Variants in DNAJC14 observed in about 807,000 individuals in gnomAD.
DNAJC14 encodes the protein dnaJ homolog subfamily C member 14.
DNAJC14 carries 12 observed loss-of-function variants against 68.8 expected under a neutral mutation model. That is an observed-to-expected ratio of 0.17 (90% confidence interval 0.11 to 0.28). DNAJC14 has a LOEUF of 0.28. Ranked by LOEUF, DNAJC14 falls within the 10% of genes least tolerant of loss-of-function variation. The pLI is 1.00. For missense variants in DNAJC14, 764 were observed against 875.6 expected (o/e 0.87, Z 1.61); for synonymous variants, 350 against 321.5 (o/e 1.09, Z -0.95).
chr12:55,822,061 T>C lies in DNAJC14; in HGVS notation c.2025A>G (p.Ala675=). 5.0e-6 allele frequency: 8 copies of C among 1,614,158 alleles called. No homozygotes were observed. Among genetic ancestry groups the C allele is most frequent in the Non-Finnish European group, 6.8e-6 (8 of 1,180,016 alleles). ...GTACTGTGCTGTTGGGCTTAGAGGC[T>C]GCAGCGGCTCCAGGGGCAGGCTGAG... The part of the protein sequence containing the change: ...AAPQPAPGAA[A]ASKPNSTVPK... Residue 675 remains alanine, a synonymous_variant, in exon 7 of 7, where the codon GCA becomes GCG. Transcript: ENST00000678005.
Position 55,828,102 on chromosome 12 carries a change from A to C in DNAJC14, c.557T>G (p.Val186Gly). The change falls in exon 2 of 7, where the codon GTG becomes GGG. Residue 186 changes from valine (V) to glycine (G), a missense_variant. By Grantham distance (109) the Val-to-Gly change is moderately radical. This residue lies in a region of DNAJC14 where 514 missense variants were observed against 521.7 expected (regional missense o/e 0.99). Coordinates refer to ENST00000678005, the MANE Select transcript of DNAJC14 (RefSeq NM_032364.6). ...GGATGGGGGTTTCTTTCCGCTGGAC[A>C]CACGTGAAAAATCACTGGGGAACTT... Reference protein sequence around the residue: ...SLKFPSDFSRVSSGKKPPSRR... With the variant: ...SLKFPSDFSRGSSGKKPPSRR... 1 of 1,600,990 alleles carries C rather than the reference A, an allele frequency of 6.2e-7. No homozygotes were observed. Among genetic ancestry groups the C allele is most frequent in the Non-Finnish European group, 8.5e-7 (1 of 1,174,330 alleles).
chr12:55,825,639 G>A (rs1880774607), intron 2 of DNAJC14, among the ~76,000 whole-genome samples: 1 of 149,960 alleles, frequency 6.7e-6, no homozygotes. Flanking sequence ...TGCCTCCCAG[G>A]TTTACACCAT....
At position 55,823,351 on chromosome 12, in the gene DNAJC14, T is replaced by C. The variant is rs1226857442; in HGVS notation, c.1514+51A>G. Reference sequence around the variant, plus strand: ...CCCCCAAGTCCAGATGCCTCTGCTATTGAGGATTTTTCATTTACCATTATC... The same window carrying C: ...CCCCCAAGTCCAGATGCCTCTGCTACTGAGGATTTTTCATTTACCATTATC... On this transcript the variant is annotated intron_variant, in intron 3 of 6. Transcript: ENST00000678005. 40 of 1,605,098 alleles carry C rather than the reference T, an allele frequency of 2.5e-5. No individual in the cohort carries two copies. The Admixed American group carries it at 6.7e-4, about 27-fold the overall frequency.
chr12:55,827,312 C>A lies in DNAJC14; in HGVS notation c.1347G>T (p.Gly449=). 1 of 1,601,324 alleles carries A rather than the reference C, an allele frequency of 6.2e-7. No homozygotes were observed. The highest frequency in any genetic ancestry group is 8.5e-7 in the Non-Finnish European group (1 of 1,173,262). ...EDELNPFHVL[G]VEATASDVEL... is the part of the protein sequence containing the mutation. Reference sequence around the variant, plus strand: ...CAACATCTGATGCTGTGGCCTCAACCCCCAGTACATGGAAAGGGTTTAGCT... The same window carrying A: ...CAACATCTGATGCTGTGGCCTCAACACCCAGTACATGGAAAGGGTTTAGCT... Residue 449 remains glycine (G), a synonymous_variant, in exon 2 of 7, where the codon GGG becomes GGT. Transcript: ENST00000678005.
chr12:55,828,798 T>G lies in DNAJC14; in HGVS notation c.-56-84A>C. On this transcript the variant is annotated intron_variant, in intron 1 of 6. Transcript: ENST00000678005. ...ATCTCAAATAGTGGACACATTTAAT[T>G]CATCCACCTCCCTTGTTTTCCCAAG... is the stretch of plus-strand genomic sequence containing the variant. The G allele has an allele frequency of 2.9e-6, 4 of 1,373,440 alleles. No homozygotes were observed. The Admixed American group carries it at 1.2e-4, about 41-fold the overall frequency. 85.1% of individuals were successfully genotyped at this position (1,373,440 alleles called of 1,614,324 possible).
Position 55,822,751 on chromosome 12 carries a change from T to C in DNAJC14, c.1635-19A>G. The C allele has an allele frequency of 6.2e-7, 1 of 1,612,982 alleles. No individual in the cohort carries two copies. The highest frequency in any genetic ancestry group is 8.5e-7 in the Non-Finnish European group (1 of 1,179,318). On this transcript the variant is annotated intron_variant, in intron 4 of 6. Coordinates refer to ENST00000678005, the MANE Select transcript of DNAJC14 (RefSeq NM_032364.6). ...AAACCTCCTGCAACCAACAAAAGGATAGTTCCTTAATAATTTGTCAAGCCT... is the reference window on the plus strand; with the variant it reads ...AAACCTCCTGCAACCAACAAAAGGACAGTTCCTTAATAATTTGTCAAGCCT...
At position 55,827,467 on chromosome 12, in the gene DNAJC14, A is replaced by G; in HGVS notation, c.1192T>C (p.Trp398Arg). Reference protein sequence around the residue: ...QRLVRIVQWGWLELPWVKQNI... With the variant: ...QRLVRIVQWGRLELPWVKQNI... ...TGCTTGACCCAAGGCAACTCCAGCC[A>G]GCCCCACTGAACTATTCTTACCAGC... is the stretch of plus-strand genomic sequence containing the variant. Residue 398 changes from tryptophan (W) to arginine (R), a missense_variant, in exon 2 of 7, where the codon TGG becomes CGG. By Grantham distance (101) the Trp-to-Arg change is moderately radical (BLOSUM62 -3). This residue lies in a region of DNAJC14 where 514 missense variants were observed against 521.7 expected (regional missense o/e 0.99). Transcript: ENST00000678005. 6.2e-7 allele frequency: 1 copy of G among 1,604,296 alleles called. No individual in the cohort carries two copies. The highest frequency in any genetic ancestry group is 8.5e-7 in the Non-Finnish European group (1 of 1,172,434).
At position 55,823,072 on chromosome 12, in the gene DNAJC14, A is replaced by G; in HGVS notation, c.1632T>C (p.His544=). ...TMMCSRCQGK[H]RRFEMDREPK... ...ATCCCTCTCCTTCTATTTCATACCT[A>G]TGCTTTCCTTGGCATCGGCTACACA... Residue 544 remains histidine (H), a splice_region_variant and synonymous_variant, in exon 4 of 7, where the codon CAT becomes CAC. Transcript: ENST00000678005. 6.2e-7 allele frequency: 1 copy of G among 1,613,912 alleles called. No homozygotes were observed. Among genetic ancestry groups the G allele is most frequent in the Non-Finnish European group, 8.5e-7 (1 of 1,180,014 alleles).
Position 55,822,672 on chromosome 12 carries a change from C to G in DNAJC14, c.1695G>C (p.Leu565=), listed in dbSNP as rs1482878827. ...SARYCAECNR[L]HPAEEGDFWA... is the part of the protein sequence containing the mutation. ...AAAAGTCTCCTTCCTCAGCAGGATG[C>G]AGCCTATTACACTCAGCACAGTATC... is the stretch of plus-strand genomic sequence containing the variant. Residue 565 remains leucine (L), a synonymous_variant, in exon 5 of 7, where the codon CTG becomes CTC. Coordinates refer to ENST00000678005, the MANE Select transcript of DNAJC14 (RefSeq NM_032364.6). 2 of 1,614,100 alleles carry G rather than the reference C, an allele frequency of 1.2e-6. No homozygotes were observed. Among genetic ancestry groups the G allele is most frequent in the Non-Finnish European group, 1.7e-6 (2 of 1,180,050 alleles).
intron 1 of DNAJC14, 166 bp downstream of exon 1, chr12:55,829,323 T>C: frequency 2.2e-6 from 2 of 892,986 alleles, no homozygotes; most frequent in Non-Finnish European, 2.7e-6. Context: ...CGCGCACCTG[T>C]AGTCCCAGCT....
chr12:55,821,598 A>C lies in DNAJC14; in HGVS notation c.*379T>G, dbSNP rs1880667765. 6.3e-6 allele frequency: 1 copy of C among 158,140 alleles called. No individual in the cohort carries two copies. Among genetic ancestry groups the C allele is most frequent in the Non-Finnish European group, 1.4e-5 (1 of 71,860 alleles). 9.8% of individuals were successfully genotyped at this position (158,140 alleles called of 1,614,324 possible). A position where few individuals can be genotyped will look rare whatever the true frequency, so the allele number is the denominator to read the frequency against. ...GCACAGTGGCTTATGCCTGTAATCC[A>C]GCACTTTGGGAGGCCAAGACGGGTG... On this transcript the variant is annotated 3_prime_UTR_variant, in exon 7 of 7. Transcript: ENST00000678005.
At chr12:55,823,298 C>A (rs2136217052) in intron 3 of DNAJC14, 104 bp downstream of exon 3, 3 of 1,596,504 alleles carry the variant, frequency 1.9e-6, no homozygotes, top group South Asian at 2.2e-5. Flanking sequence ...CAAGTGACTT[C>A]AGTTCTCTCC....
intron 4 of DNAJC14, 80 bp downstream of exon 4, chr12:55,822,990 T>C (rs1488637393): frequency 1.1e-5 from 18 of 1,580,966 alleles, no homozygotes; most frequent in Non-Finnish European, 1.5e-5. Context: ...AACTCATAAT[T>C]ACCAGTACTC....
chr12:55,821,935 C>T lies in DNAJC14; in HGVS notation c.*42G>A, dbSNP rs1172779775. ...TCAAACTCCATCCTGTGCTACAGCC[C>T]TTTTGACTCCCTGACATTGATTTGA... On this transcript the variant is annotated 3_prime_UTR_variant, in exon 7 of 7. Transcript: ENST00000678005. 6.4e-7 allele frequency: 1 copy of T among 1,573,326 alleles called. No homozygotes were observed. Among genetic ancestry groups the T allele is most frequent in the East Asian group, 2.3e-5 (1 of 44,412 alleles).
At position 55,828,103 on chromosome 12, in the gene DNAJC14, C is replaced by G; in HGVS notation, c.556G>C (p.Val186Leu). The stretch of plus-strand genomic sequence containing the variant: ...GATGGGGGTTTCTTTCCGCTGGACA[C>G]ACGTGAAAAATCACTGGGGAACTTG... Reference protein sequence around the residue: ...SLKFPSDFSRVSSGKKPPSRR... With the variant: ...SLKFPSDFSRLSSGKKPPSRR... The change falls in exon 2 of 7, where the codon GTG becomes CTG. Residue 186 changes from valine (V) to leucine (L), a missense_variant. Coordinates refer to ENST00000678005, the MANE Select transcript of DNAJC14 (RefSeq NM_032364.6). The G allele has an allele frequency of 6.2e-7, 1 of 1,600,778 alleles. No homozygotes were observed. The highest frequency in any genetic ancestry group is 8.5e-7 in the Non-Finnish European group (1 of 1,174,314).
rs532007954 is a variant in DNAJC14, at chr12:55,824,834, T to C, written c.1408-1326A>G. On this transcript the variant is annotated intron_variant, in intron 2 of 6. Transcript: ENST00000678005. ...GAGAGTAAACAATTGTTACCCACTC[T>C]AAGAATACAGCAGAAGCCAAGCGCA... 6.6e-5 allele frequency among the ~76,000 whole-genome samples: 10 copies of C among 152,092 alleles called. No homozygotes were observed. In the South Asian group the frequency reaches 1.7e-3, roughly 25 times the overall value.
intron 4 of DNAJC14, 52 bp from the exon 5 acceptor site, chr12:55,822,784 G>A: frequency 1.2e-6 from 2 of 1,600,458 alleles, no homozygotes; most frequent in Non-Finnish European, 1.7e-6. Context: ...CCTACCTAGG[G>A]CACTGCTAGT....
At position 55,829,325 on chromosome 12, in the gene DNAJC14, G is replaced by A. The variant is rs886117229; in HGVS notation, c.-57+164C>T. On this transcript the variant is annotated intron_variant, in intron 1 of 6. Coordinates refer to ENST00000678005, the MANE Select transcript of DNAJC14 (RefSeq NM_032364.6). ...CCAGGCGTGGTGGCGCGCACCTGTA[G>A]TCCCAGCTACTCGGGAGGCTGAGGC... is the stretch of plus-strand genomic sequence containing the variant. 20 of 906,552 alleles carry A rather than the reference G, an allele frequency of 2.2e-5. No homozygotes were observed. The African/African-American group carries it at 2.9e-4, about 13-fold the overall frequency. The allele number at this position is 906,552 out of a possible 1,614,324, so 56.2% of individuals were successfully genotyped here.
rs576242407 is a variant in DNAJC14, at chr12:55,827,644, A to G, written c.1015T>C (p.Leu339=). The G allele has an allele frequency of 6.2e-7, 1 of 1,612,722 alleles. No individual in the cohort carries two copies. The highest frequency in any genetic ancestry group is 8.5e-7 in the Non-Finnish European group (1 of 1,179,356). Residue 339 remains leucine (L), a synonymous_variant, in exon 2 of 7, where the codon TTG becomes CTG. Transcript: ENST00000678005. ...CGCCATCCCAACTGTAGAAAGCCCA[A>G]AAAGAGGGCCAGAGCCAGGAGCAGC... ...ALLLLALALF[L]GFLQLGWRFL...
Sources: allele counts gnomAD v4.1 joint callset (sites outside exome capture counted in the v4.1 genomes callset), GRCh38; gene constraint gnomAD v4.1.1; regional missense constraint gnomAD v4.1.1; transcripts MANE v1.5; gene names NCBI Gene and HGNC (gene_info 2026-07-23, HGNC 2026-07-21).